USB1: variants seen among roughly 807,000 people sequenced by gnomAD.
USB1 encodes U6 snRNA biogenesis phosphodiesterase 1.
USB1 carries 21 observed loss-of-function variants against 29.9 expected under a neutral mutation model. The observed-to-expected ratio is 0.70, with a 90% CI of 0.50 to 1.01. USB1 has a LOEUF of 1.01. USB1 is among the 50% of genes least tolerant of loss of function. The probability of loss-of-function intolerance (pLI) is 0.00; values close to 1 mark genes in which losing one functional copy is unlikely to be tolerated. For synonymous variants in USB1, 143 were observed against 134.9 expected (o/e 1.06, Z -0.42); for missense variants, 330 against 347.1 (o/e 0.95, Z 0.39).
chr16:58,002,124 C>A (rs1457443678), intron 1 of USB1, among the ~76,000 whole-genome samples: 2 of 152,202 alleles, frequency 1.3e-5, no homozygotes, highest in East Asian at 3.9e-4. Flanking sequence ...ATCAGGTAGA[C>A]ATATACTTTC....
chr16:58,011,411 TTAGA>T, intron 3 of USB1: 13 of 1,147,718 alleles, frequency 1.1e-5, no homozygotes, highest in Non-Finnish European at 1.4e-5. Context: ...CCCTTACCTA[TTAGA>T]TTATTTCATA....
At chr16:58,007,305 T>A (rs1460900199) in intron 2 of USB1, among the ~76,000 whole-genome samples, 2 of 152,230 alleles carry the variant, frequency 1.3e-5, no homozygotes, top group Non-Finnish European at 2.9e-5. Context: ...CTTAAATGTT[T>A]GGTGGGATTC....
At chr16:58,014,365 T>C (rs766636053) in intron 4 of USB1, 39 bp downstream of exon 4, 2 of 1,571,568 alleles carry the variant, frequency 1.3e-6, no homozygotes, top group East Asian at 2.2e-5. Context: ...CAGAGGAAGA[T>C]TCTTTGGTGC....
rs1002459103 is a variant in USB1, at chr16:58,004,462, T to C, written c.265+1817T>C. 7.9e-5 allele frequency among the ~76,000 whole-genome samples: 12 copies of C among 152,316 alleles called. No individual in the cohort carries two copies. The South Asian group carries it at 2.5e-3, about 32-fold the overall frequency. On this transcript the variant is annotated intron_variant, in intron 2 of 6. Transcript: ENST00000219281. ...TTTGGGGGCTTTTTTTGGTTTTTTTTAGAGATAGGGTCTCACTATATTGCC... is the reference window on the plus strand; with the variant it reads ...TTTGGGGGCTTTTTTTGGTTTTTTTCAGAGATAGGGTCTCACTATATTGCC...
At chr16:58,008,392 GTTGT>G (rs1232556344) in intron 2 of USB1, among the ~76,000 whole-genome samples, 1 of 148,380 alleles carries the variant, frequency 6.7e-6, no homozygotes, top group Non-Finnish European at 1.5e-5. Flanking sequence ...TAAATTTGCT[GTTGT>G]TTTTCTACTT....
At position 58,008,453 on chromosome 16, in the gene USB1, C is replaced by CTTTTTTTTTTT. The variant is rs56262437; in HGVS notation, c.266-1468_266-1458dup. Among the ~76,000 whole-genome samples the CTTTTTTTTTTT allele has an allele frequency of 1.3e-4, 15 of 115,182 alleles. 1 individual carries two copies. Among genetic ancestry groups the CTTTTTTTTTTT allele is most frequent in the Non-Finnish European group, 1.8e-4 (10 of 54,558 alleles). 75.6% of individuals were successfully genotyped at this position (115,182 alleles called of 152,430 possible). A position where few individuals can be genotyped will look rare whatever the true frequency, so the allele number is the denominator to read the frequency against. On this transcript the variant is annotated intron_variant, in intron 2 of 6. Transcript: ENST00000219281. ...ATTGACTTTAGATCTTTTTCTTTTT[C>CTTTTTTTTTTT]TTTTTTTTTTTTTTTTTTGTGAGGG...
chr16:58,006,681 G>A (rs1041562632), intron 2 of USB1, among the ~76,000 whole-genome samples: 2 of 152,000 alleles, frequency 1.3e-5, no homozygotes, highest in African/African-American at 4.8e-5. Context: ...AAGAAAAACA[G>A]GCTTATTTCT....
intron 3 of USB1, chr16:58,012,015 A>G: frequency 8.5e-7 from 1 of 1,175,310 alleles, no homozygotes; most frequent in Non-Finnish European, 1.1e-6. Context: ...GAGGTGTTGC[A>G]CAAAAGCCTG....
At chr16:58,010,963 G>A in intron 3 of USB1, 2 of 700,578 alleles carry the variant, frequency 2.9e-6, no homozygotes, top group South Asian at 3.0e-5. Context: ...GGAGGGTAGG[G>A]GGTGGGGCTG....
chr16:58,017,096 T>A (rs1438629596), intron 4 of USB1: 1 of 537,460 alleles, frequency 1.9e-6, no homozygotes, highest in African/African-American at 1.9e-5. Flanking sequence ...GGAAGGGTTA[T>A]TAGATCCAGA....
Position 58,020,122 on chromosome 16 carries a change from C to T in USB1, c.694-19C>T. ...GATGCCCCTTAATGTGACTGTCCTC[C>T]CCTGGCTGCTGTTTTAAGGCAATCG... On this transcript the variant is annotated intron_variant, in intron 6 of 6. Coordinates refer to ENST00000219281, the MANE Select transcript of USB1 (RefSeq NM_024598.4). 1 of 1,613,654 alleles carries T rather than the reference C, an allele frequency of 6.2e-7. No individual in the cohort carries two copies. Among genetic ancestry groups the T allele is most frequent in the Non-Finnish European group, 8.5e-7 (1 of 1,179,626 alleles).
In USB1 at chr16:58,021,203, A is replaced by T. The variant is rs1350787400; in HGVS notation, c.*958A>T. ...TTCAAAGCCAAGGTACAGGGTGATA[A>T]CTTGTGGTCCAGCATCAGTTTTCTC... On this transcript the variant is annotated 3_prime_UTR_variant, in exon 7 of 7. Coordinates refer to ENST00000219281, the MANE Select transcript of USB1 (RefSeq NM_024598.4). The T allele has an allele frequency of 6.6e-6, 1 of 152,238 alleles. No homozygotes were observed. The highest frequency in any genetic ancestry group is 6.5e-5 in the Admixed American group (1 of 15,284). The allele number at this position is 152,238 out of a possible 1,614,324, so 9.4% of individuals were successfully genotyped here. A position where few individuals can be genotyped will look rare whatever the true frequency, so the allele number is the denominator to read the frequency against.
At position 58,020,368 on chromosome 16, in the gene USB1, G is replaced by A. The variant is rs1963708247; in HGVS notation, c.*123G>A. ...AGGCCCCAGCCATGCCTTCAACCTG[G>A]CAGGAGGTGTAGCCACTCCTCATCC... On this transcript the variant is annotated 3_prime_UTR_variant, in exon 7 of 7. Coordinates refer to ENST00000219281, the MANE Select transcript of USB1 (RefSeq NM_024598.4). 1.1e-6 allele frequency: 1 copy of A among 873,538 alleles called. No homozygotes were observed. Among genetic ancestry groups the A allele is most frequent in the Non-Finnish European group, 1.9e-6 (1 of 531,450 alleles). 54.1% of individuals were successfully genotyped at this position (873,538 alleles called of 1,614,324 possible).
intron 3 of USB1, chr16:58,011,995 T>C: frequency 8.9e-7 from 1 of 1,122,528 alleles, no homozygotes. Flanking sequence ...AGCAGAGCCT[T>C]TTTTCAAATG....
rs1246625112 is a variant in USB1 at position 58,001,601 on chromosome 16, C to T, written c.98+20C>T. 13 of 1,589,830 alleles carry T rather than the reference C, an allele frequency of 8.2e-6. No individual in the cohort carries two copies. The highest frequency in any genetic ancestry group is 1.3e-5 in the African/African-American group (1 of 74,416). On this transcript the variant is annotated intron_variant, in intron 1 of 6. Transcript: ENST00000219281. ...CCGTCGGTGAGGAGTGAGGAAGTCT[C>T]TCCGGAGGGCGCGCGCATTCACCCT... is the stretch of plus-strand genomic sequence containing the variant.
chr16:58,000,615 C>A (rs2142286783), upstream of USB1, among the ~76,000 whole-genome samples: 1 of 147,634 alleles, frequency 6.8e-6, no homozygotes, highest in South Asian at 2.2e-4. This position sits in a 1 kb window ranked among gnomAD's most constrained non-coding sequence, Gnocchi z 4.5. Context: ...GTAGCGGGGC[C>A]GGGGCGAGGA....
chr16:58,015,159 A>T (rs541977423), intron 4 of USB1: 1 of 152,302 alleles, frequency 6.6e-6, no homozygotes, highest in South Asian at 2.1e-4. Context: ...GTGCCCAGAG[A>T]TTGAGAGAAG....
Position 58,002,619 on chromosome 16 carries a change from A to G in USB1, c.239A>G (p.Asn80Ser). Residue 80 changes from asparagine to serine, a missense_variant, in exon 2 of 7, where the codon AAC becomes AGC. Transcript: ENST00000219281. ...RVRTFPHERGNWATHVYVPYE... is the reference protein window; with the variant it reads ...RVRTFPHERGSWATHVYVPYE... ...CGCACCTTCCCCCACGAGCGAGGCA[A>G]CTGGGCCACCCACGTCTATGTACCA... 1 of 1,613,964 alleles carries G rather than the reference A, an allele frequency of 6.2e-7. No homozygotes were observed. Among genetic ancestry groups the G allele is most frequent in the South Asian group, 1.1e-5 (1 of 91,078 alleles).
rs947163621 is a variant in USB1, at chr16:58,020,439, TTCTC to T, written c.*200_*203del. 4.8e-5 allele frequency: 30 copies of T among 627,738 alleles called. No homozygotes were observed. Among genetic ancestry groups the T allele is most frequent in the Non-Finnish European group, 6.3e-5 (22 of 348,322 alleles). 38.9% of individuals were successfully genotyped at this position (627,738 alleles called of 1,614,324 possible). ...CTCTCTCTCTTTCTCTTCCTCTTCT[TTCTC>T]TCTCTTCTCCTCTCTTTCTCTCCTC... On this transcript the variant is annotated 3_prime_UTR_variant, in exon 7 of 7. Transcript: ENST00000219281.
Sources: gnomAD v4.1 joint callset for allele counts (sites outside exome capture counted in the v4.1 genomes callset) on GRCh38, gnomAD v4.1.1 for gene constraint, Gnocchi (gnomAD v3.1) non-coding constraint, MANE v1.5 for transcripts, NCBI Gene and HGNC (gene_info 2026-07-23, HGNC 2026-07-21) for gene names.